The following KPNB1 variants were observed in gnomAD, a reference collection of about 807,000 sequenced individuals.
KPNB1 encodes the protein karyopherin subunit beta 1, also known as importin subunit beta-1.
KPNB1 carries 7 observed loss-of-function variants against 113.0 expected under a neutral mutation model. The ratio of observed to expected loss-of-function variants is 0.06; its 90% CI spans 0.04 to 0.12. The LOEUF (loss-of-function observed/expected upper bound fraction) is 0.12, where lower values mean the gene tolerates loss of function less well. KPNB1 is among the 10% of genes least tolerant of loss of function. The pLI, the probability that KPNB1 is intolerant of heterozygous loss-of-function variation, is 1.00. For synonymous variants in KPNB1, 363 were observed against 378.6 expected, an observed-to-expected ratio of 0.96 and a Z score of 0.48; for missense variants, 400 against 1,054.8, an observed-to-expected ratio of 0.38 and a Z score of 8.60.
At chr17:47,664,037 G>A in intron 7 of KPNB1, 122 bp from the exon 8 acceptor site, 5 of 609,974 alleles carry the variant, frequency 8.2e-6, no homozygotes, top group Non-Finnish European at 1.2e-5. Flanking sequence ...TTTCTTTCAA[G>A]CCTAGCTTCC....
chr17:47,669,670 A>G lies in KPNB1; in HGVS notation c.1225-8A>G, dbSNP rs1241937868. ...GTTTTGCTTTGCTAATAACTGTTAT[A>G]TTTTCAGGCTATGCCCACCCTAATA... On this transcript the variant is annotated splice_region_variant and splice_polypyrimidine_tract_variant and intron_variant, in intron 10 of 21. Transcript: ENST00000290158. 2 of 1,577,980 alleles carry G rather than the reference A, an allele frequency of 1.3e-6. No homozygotes were observed. Among genetic ancestry groups the G allele is most frequent in the Non-Finnish European group, 8.7e-7 (1 of 1,149,512 alleles).
chr17:47,684,471 T>G lies in KPNB1; in HGVS notation c.*2067T>G, dbSNP rs2030884451. The G allele has an allele frequency of 6.6e-6, 1 of 152,112 alleles. No individual in the cohort carries two copies. Among genetic ancestry groups the G allele is most frequent in the Non-Finnish European group, 1.5e-5 (1 of 68,038 alleles). The allele number at this position is 152,112 out of a possible 1,614,324, so 9.4% of individuals were successfully genotyped here. A position where few individuals can be genotyped will look rare whatever the true frequency, so the allele number is the denominator to read the frequency against. The stretch of plus-strand genomic sequence containing the variant: ...TCTAATGCCTTGTTTCCATTTCAGT[T>G]GTTCTTTGAGAGACAGAATGATGTA... On this transcript the variant is annotated 3_prime_UTR_variant, in exon 22 of 22. Coordinates refer to ENST00000290158, the MANE Select transcript of KPNB1 (RefSeq NM_002265.6).
chr17:47,674,068 TAA>T (rs2030526724), intron 14 of KPNB1, among the ~76,000 whole-genome samples: 1 of 152,220 alleles, frequency 6.6e-6, no homozygotes, highest in African/African-American at 2.4e-5. Flanking sequence ...TTCACTTGGC[TAA>T]AAATAAAGCC....
At chr17:47,669,319 G>A (rs576719413) in intron 10 of KPNB1, among the ~76,000 whole-genome samples, 1 of 152,056 alleles carries the variant, frequency 6.6e-6, no homozygotes, top group Admixed American at 6.6e-5. Context: ...TGGTCAGGCT[G>A]GTCTTGAACT....
chr17:47,674,473 A>G (rs955900434), intron 14 of KPNB1, among the ~76,000 whole-genome samples, 165 bp from the exon 15 acceptor site: 1 of 152,200 alleles, frequency 6.6e-6, no homozygotes, highest in African/African-American at 2.4e-5. Context: ...GTTAAAATGT[A>G]TTGCTGATGA....
chr17:47,650,226 C>G lies in KPNB1; in HGVS notation c.-19C>G, dbSNP rs992577003. On this transcript the variant is annotated 5_prime_UTR_variant, in exon 1 of 22. Coordinates refer to ENST00000290158, the MANE Select transcript of KPNB1 (RefSeq NM_002265.6). ...GGGCCGTCGTCTTAGGAGGAGTCGCCGCCGCCGCCACCTCCGCCATGGAGC... is the reference window on the plus strand; with the variant it reads ...GGGCCGTCGTCTTAGGAGGAGTCGCGGCCGCCGCCACCTCCGCCATGGAGC... The G allele has an allele frequency of 1.3e-6, 2 of 1,511,704 alleles. No individual in the cohort carries two copies. The highest frequency in any genetic ancestry group is 5.7e-5 in the East Asian group (2 of 35,040). 93.6% of individuals were successfully genotyped at this position (1,511,704 alleles called of 1,614,324 possible). A position where few individuals can be genotyped will look rare whatever the true frequency, so the allele number is the denominator to read the frequency against.
intron 2 of KPNB1, 81 bp downstream of exon 2, chr17:47,650,525 G>C: frequency 2.3e-6 from 3 of 1,316,658 alleles, no homozygotes; most frequent in Non-Finnish European, 3.2e-6. Flanking sequence ...CGGAGGCCCA[G>C]GCCTCGGGAA....
intron 4 of KPNB1, among the ~76,000 whole-genome samples, chr17:47,657,510 G>T (rs965927800): frequency 1.3e-5 from 2 of 152,140 alleles, no homozygotes; most frequent in African/African-American, 4.8e-5. Flanking sequence ...TCCTGATGAG[G>T]TTACCACTCT....
chr17:47,649,929 G>A lies in KPNB1; in HGVS notation c.-316G>A. On this transcript the variant is annotated 5_prime_UTR_variant, in exon 1 of 22. Coordinates refer to ENST00000290158, the MANE Select transcript of KPNB1 (RefSeq NM_002265.6). ...CCTCCCTCCCTCGCTCCCTCCCTGC[G>A]CGCCGCCTCTCACTCACAGCCTCCC... 1 of 1,266,872 alleles carries A rather than the reference G, an allele frequency of 7.9e-7. No individual in the cohort carries two copies. The highest frequency in any genetic ancestry group is 9.9e-7 in the Non-Finnish European group (1 of 1,006,254). The allele number at this position is 1,266,872 out of a possible 1,614,324, so 78.5% of individuals were successfully genotyped here. A position where few individuals can be genotyped will look rare whatever the true frequency, so the allele number is the denominator to read the frequency against.
At chr17:47,671,300 T>C (rs981298520) in intron 12 of KPNB1, among the ~76,000 whole-genome samples, 1 of 152,172 alleles carries the variant, frequency 6.6e-6, no homozygotes, top group Non-Finnish European at 1.5e-5. Context: ...TGTTTAAAGA[T>C]GGAGAAAGAA....
intron 21 of KPNB1, among the ~76,000 whole-genome samples, chr17:47,681,897 A>G (rs908321404): frequency 4.0e-5 from 6 of 151,888 alleles, no homozygotes; most frequent in East Asian, 1.9e-4. Context: ...CAGTGGTACA[A>G]TCACACCTCA....
chr17:47,660,700 A>G (rs2030066772), intron 5 of KPNB1, among the ~76,000 whole-genome samples: 1 of 152,248 alleles, frequency 6.6e-6, no homozygotes, highest in African/African-American at 2.4e-5. Flanking sequence ...TTTGATGTGA[A>G]TTTGCTACCT....
chr17:47,650,147 T>TC lies in KPNB1; in HGVS notation c.-98_-97insC. 5.2e-6 allele frequency: 1 copy of TC among 193,310 alleles called. No individual in the cohort carries two copies. The highest frequency in any genetic ancestry group is 6.5e-6 in the Non-Finnish European group (1 of 154,722). The allele number at this position is 193,310 out of a possible 1,614,324, so 12.0% of individuals were successfully genotyped here. On this transcript the variant is annotated 5_prime_UTR_variant, in exon 1 of 22. Transcript: ENST00000290158. ...CCCCCGCCCCCCACCCCACCCTCCCTTCCCACCCGACCCCCAACCCCCATC... is the reference window on the plus strand; with the variant it reads ...CCCCCGCCCCCCACCCCACCCTCCCTCTCCCACCCGACCCCCAACCCCCATC...
rs1391227085 is a variant in KPNB1, at chr17:47,684,306, G to T, written c.*1902G>T. The T allele has an allele frequency of 6.6e-6, 1 of 151,418 alleles. No individual in the cohort carries two copies. The highest frequency in any genetic ancestry group is 1.5e-5 in the Non-Finnish European group (1 of 67,952). The allele number at this position is 151,418 out of a possible 1,614,324, so 9.4% of individuals were successfully genotyped here. A position where few individuals can be genotyped will look rare whatever the true frequency, so the allele number is the denominator to read the frequency against. ...AGGGTATCAGATATTGTGCCTTTTGGTGCCAGGTTCAAAGTCAAGTGCCGA... is the reference window on the plus strand; with the variant it reads ...AGGGTATCAGATATTGTGCCTTTTGTTGCCAGGTTCAAAGTCAAGTGCCGA... On this transcript the variant is annotated 3_prime_UTR_variant, in exon 22 of 22. Transcript: ENST00000290158.
rs1482105923 is a variant in KPNB1 at position 47,658,523 on chromosome 17, C to G, written c.499C>G (p.Gln167Glu). The G allele has an allele frequency of 6.2e-7, 1 of 1,613,092 alleles. No individual in the cohort carries two copies. The highest frequency in any genetic ancestry group is 8.5e-7 in the Non-Finnish European group (1 of 1,179,982). Residue 167 changes from glutamine to glutamate, a missense_variant, in exon 5 of 22, where the codon CAA (glutamine) becomes GAA (glutamate). By Grantham distance (29) the Gln-to-Glu change is conservative (BLOSUM62 2). Transcript: ENST00000290158. ...ICQDIDPEQL[Q>E]DKSNEILTAI... ...CTTGTTACAGGACCCAGAGCAGCTACAAGATAAATCCAATGAGATTCTGAC... is the reference window on the plus strand; with the variant it reads ...CTTGTTACAGGACCCAGAGCAGCTAGAAGATAAATCCAATGAGATTCTGAC...
Position 47,682,830 on chromosome 17 carries a change from T to G in KPNB1, c.*426T>G. ...CTTTGTTGTAAAAGGCAGCCTGGCCTTTGCTACTGAGGAGAAAGATGGAGC... is the reference window on the plus strand; with the variant it reads ...CTTTGTTGTAAAAGGCAGCCTGGCCGTTGCTACTGAGGAGAAAGATGGAGC... On this transcript the variant is annotated 3_prime_UTR_variant, in exon 22 of 22. Transcript: ENST00000290158. 4.9e-6 allele frequency: 1 copy of G among 205,894 alleles called. No individual in the cohort carries two copies. Among genetic ancestry groups the G allele is most frequent in the East Asian group, 1.3e-4 (1 of 7,874 alleles). The allele number at this position is 205,894 out of a possible 1,614,324, so 12.8% of individuals were successfully genotyped here. A position where few individuals can be genotyped will look rare whatever the true frequency, so the allele number is the denominator to read the frequency against.
At chr17:47,674,827 A>G (rs1242074341) in intron 15 of KPNB1, 45 bp downstream of exon 15, 2 of 1,564,428 alleles carry the variant, frequency 1.3e-6, no homozygotes, top group Non-Finnish European at 1.7e-6. Context: ...TTTGGAATGT[A>G]GGCATTTCAG....
chr17:47,650,462 G>C lies in KPNB1; in HGVS notation c.99+18G>C. The C allele has an allele frequency of 6.3e-7, 1 of 1,594,536 alleles. No homozygotes were observed. The highest frequency in any genetic ancestry group is 8.5e-7 in the Non-Finnish European group (1 of 1,172,446). ...AGAACCTGGTGCGTGCTACCCCGCC[G>C]CGCCCATCCCGCCGCGTCCCCATCC... On this transcript the variant is annotated intron_variant, in intron 2 of 21. Coordinates refer to ENST00000290158, the MANE Select transcript of KPNB1 (RefSeq NM_002265.6).
intron 14 of KPNB1, 144 bp from the exon 15 acceptor site, chr17:47,674,494 C>G (rs2030538568): frequency 2.7e-6 from 2 of 728,866 alleles, no homozygotes; most frequent in South Asian, 1.9e-5. Context: ...TTGGTACTGT[C>G]AATGTTTTTG....
Sources: allele counts gnomAD v4.1 joint callset (sites outside exome capture counted in the v4.1 genomes callset), GRCh38; gene constraint gnomAD v4.1.1; transcripts MANE v1.5; gene names NCBI Gene and HGNC (gene_info 2026-07-23, HGNC 2026-07-21).